The following WRAP73 variants were observed in gnomAD, a reference collection of about 807,000 sequenced individuals.
The protein encoded by WRAP73 is WD repeat containing, antisense to TP73.
A neutral mutation model predicts 59.6 loss-of-function variants in WRAP73; 55 were observed. The ratio of observed to expected loss-of-function variants is 0.92; its 90% CI spans 0.74 to 1.15. The LOEUF (loss-of-function observed/expected upper bound fraction) is 1.15, where lower values mean the gene tolerates loss of function less well. Ranked by LOEUF, WRAP73 falls within the 50% of genes most tolerant of loss-of-function variation. WRAP73 has a pLI of 0.00. For missense variants in WRAP73, 592 were observed against 608.1 expected (o/e 0.97, Z 0.28); for synonymous variants, 265 against 258.2 (o/e 1.03, Z -0.25).
rs1644690591 is a variant in WRAP73 at position 3,646,275 on chromosome 1, T to C, written c.339+391A>G. On this transcript the variant is annotated intron_variant, in intron 3 of 11. Transcript: ENST00000270708. This position sits in a 1 kb window ranked among gnomAD's most constrained non-coding sequence, Gnocchi z 5.1. ...CAAAGAGAAGCCACAAAGTGCTTCC[T>C]TTAAATGACGAGCTGAAAGTTCTTG... Among the ~76,000 whole-genome samples, 2 of 152,238 alleles carry C rather than the reference T, an allele frequency of 1.3e-5. No homozygotes were observed. The highest frequency in any genetic ancestry group is 4.8e-5 in the African/African-American group (2 of 41,464).
intron 5 of WRAP73, chr1:3,636,786 C>G: frequency 3.1e-6 from 2 of 648,132 alleles, no homozygotes; most frequent in East Asian, 2.9e-5. Flanking sequence ...ACTTTTAAAA[C>G]ACCTGGGCAC....
intron 4 of WRAP73, 30 bp from the exon 5 acceptor site, chr1:3,637,128 A>G (rs1311551021): frequency 6.4e-7 from 1 of 1,566,304 alleles, no homozygotes; most frequent in Non-Finnish European, 8.7e-7. Flanking sequence ...CACTGAAATC[A>G]AGCGGCCACA....
At position 3,650,076 on chromosome 1, in the gene WRAP73, C is replaced by T; in HGVS notation, c.-77G>A. ...CTGGGCGCGCAGCAGGCTGCAACAG[C>T]CGACGCCGGCCTCCGAGGCCGGAAG... is the stretch of plus-strand genomic sequence containing the variant. On this transcript the variant is annotated 5_prime_UTR_variant, in exon 1 of 12. Transcript: ENST00000270708. The T allele has an allele frequency of 1.4e-6, 2 of 1,423,256 alleles. No homozygotes were observed. Among genetic ancestry groups the T allele is most frequent in the Non-Finnish European group, 1.9e-6 (2 of 1,067,150 alleles). The allele number at this position is 1,423,256 out of a possible 1,614,324, so 88.2% of individuals were successfully genotyped here.
intron 6 of WRAP73, 118 bp from the exon 7 acceptor site, chr1:3,635,412 C>T (rs774276553): frequency 6.8e-5 from 95 of 1,399,844 alleles, no homozygotes; most frequent in Middle Eastern, 2.3e-4. Context: ...CAGGACTGTC[C>T]GCGTGGCCGT....
chr1:3,636,987 C>G lies in WRAP73; in HGVS notation c.516+8G>C. Reference sequence around the variant, plus strand: ...GACAACTTTATTCCAGTCTGGGGGACGCCTTACCCGCAGGAGCTGCCAATC... The same window carrying G: ...GACAACTTTATTCCAGTCTGGGGGAGGCCTTACCCGCAGGAGCTGCCAATC... On this transcript the variant is annotated splice_region_variant and intron_variant, in intron 5 of 11. Transcript: ENST00000270708. 3 of 1,613,144 alleles carry G rather than the reference C, an allele frequency of 1.9e-6. 1 individual carries two copies. The highest frequency in any genetic ancestry group is 1.7e-6 in the Non-Finnish European group (2 of 1,179,624).
chr1:3,630,954 G>A lies in WRAP73; in HGVS notation c.*21C>T. ...GGAAACACAGAGTAGCCCTGTTTCT[G>A]CACACGTTAGTGCACCGCTGCTACG... is the stretch of plus-strand genomic sequence containing the variant. On this transcript the variant is annotated 3_prime_UTR_variant, in exon 12 of 12. Coordinates refer to ENST00000270708, the MANE Select transcript of WRAP73 (RefSeq NM_017818.4). 2 of 1,606,714 alleles carry A rather than the reference G, an allele frequency of 1.2e-6. No individual in the cohort carries two copies. The highest frequency in any genetic ancestry group is 8.5e-7 in the Non-Finnish European group (1 of 1,175,776).
chr1:3,649,140 G>A (rs756290876), intron 1 of WRAP73, among the ~76,000 whole-genome samples: 9 of 152,132 alleles, frequency 5.9e-5, no homozygotes, highest in Admixed American at 2.0e-4. Context: ...TACATACTAG[G>A]CATCCGGGTT....
At chr1:3,641,488 A>G (rs529280419) in intron 3 of WRAP73, among the ~76,000 whole-genome samples, 73 of 152,340 alleles carry the variant, frequency 4.8e-4, no homozygotes, top group Non-Finnish European at 9.1e-4. Context: ...GCCAGGGAAA[A>G]GGAAGCAGAC....
chr1:3,636,044 G>T lies in WRAP73; in HGVS notation c.517-14C>A, dbSNP rs759941166. On this transcript the variant is annotated splice_polypyrimidine_tract_variant and intron_variant, in intron 5 of 11. Transcript: ENST00000270708. Reference sequence around the variant, plus strand: ...CGTATCAAAATGCTTCCAAAGGAAGGGGGGGAAACATTAAATTTGGAAAAT... The same window carrying T: ...CGTATCAAAATGCTTCCAAAGGAAGTGGGGGAAACATTAAATTTGGAAAAT... 6.3e-6 allele frequency: 10 copies of T among 1,598,734 alleles called. No individual in the cohort carries two copies. The highest frequency in any genetic ancestry group is 3.3e-5 in the South Asian group (3 of 90,460).
intron 3 of WRAP73, among the ~76,000 whole-genome samples, chr1:3,640,596 GC>G: frequency 7.1e-6 from 1 of 141,668 alleles, no homozygotes; most frequent in East Asian, 2.1e-4. Context: ...AGGGTGGAAC[GC>G]CCCAGGCTCT....
Position 3,633,467 on chromosome 1 carries a change from C to A in WRAP73, c.853G>T (p.Gly285Ter), listed in dbSNP as rs570760038. The change falls in exon 9 of 12, where the codon GGA (glycine) becomes TGA (stop). Residue 285 changes from glycine to a stop codon, truncating the protein, a stop_gained. Transcript: ENST00000270708. LOFTEE classifies it high-confidence loss of function. ...YKEAEKSPQLGLGCLSFPPPR... is the reference protein window; with the variant it reads ...YKEAEKSPQL Reference sequence around the variant, plus strand: ...GGCGGGAAGGAGAGGCAGCCCAGTCCCAGCTGTGGGCTCTTCTCGGCCTCC... The same window carrying A: ...GGCGGGAAGGAGAGGCAGCCCAGTCACAGCTGTGGGCTCTTCTCGGCCTCC... 1.2e-6 allele frequency: 2 copies of A among 1,610,674 alleles called. No individual in the cohort carries two copies. Among genetic ancestry groups the A allele is most frequent in the Admixed American group, 3.4e-5 (2 of 59,288 alleles).
At chr1:3,635,916 C>A (rs1644584892) in intron 6 of WRAP73, 28 bp downstream of exon 6, 1 of 1,597,828 alleles carries the variant, frequency 6.3e-7, no homozygotes. Context: ...CTCTCGAAAG[C>A]AAACATGTCA....
At position 3,635,517 on chromosome 1, in the gene WRAP73, C is replaced by T. The variant is rs1000228376; in HGVS notation, c.604-223G>A. On this transcript the variant is annotated intron_variant, in intron 6 of 11. Coordinates refer to ENST00000270708, the MANE Select transcript of WRAP73 (RefSeq NM_017818.4). Reference sequence around the variant, plus strand: ...GGAAATTGGGAGGTCAACCTAATGGCTCGCTGATAAAAGTTCAACTCGGCC... The same window carrying T: ...GGAAATTGGGAGGTCAACCTAATGGTTCGCTGATAAAAGTTCAACTCGGCC... 4 of 617,734 alleles carry T rather than the reference C, an allele frequency of 6.5e-6. No homozygotes were observed. The African/African-American group carries it at 7.4e-5, about 11-fold the overall frequency. The allele number at this position is 617,734 out of a possible 1,614,324, so 38.3% of individuals were successfully genotyped here.
intron 1 of WRAP73, among the ~76,000 whole-genome samples, chr1:3,647,891 G>A (rs529874681): frequency 6.6e-6 from 1 of 152,322 alleles, no homozygotes; most frequent in East Asian, 1.9e-4. Context: ...GTAGCATTGG[G>A]AGAAAGCTCT....
At chr1:3,638,638 G>T in intron 4 of WRAP73, 112 bp downstream of exon 4, 2 of 1,106,216 alleles carry the variant, frequency 1.8e-6, no homozygotes, top group Admixed American at 1.9e-5. Context: ...CAAGGGGGTT[G>T]GCTATGTGTT....
At chr1:3,634,467 C>A in intron 8 of WRAP73, 1 of 174,618 alleles carries the variant, frequency 5.7e-6, no homozygotes. Context: ...GCCTGGAACG[C>A]TCCCTCCCCG....
chr1:3,639,156 T>C lies in WRAP73; in HGVS notation c.340-334A>G, dbSNP rs984770121. ...CCCTGAGTTACTCAGAGAAAAATCT[T>C]GATCTAGAAACCACCACGGGTTCAG... On this transcript the variant is annotated intron_variant, in intron 3 of 11. Transcript: ENST00000270708. The surrounding 1 kb of genome is among the most constrained non-coding windows in gnomAD (Gnocchi z 4.3). 6 of 270,158 alleles carry C rather than the reference T, an allele frequency of 2.2e-5. No individual in the cohort carries two copies. The highest frequency in any genetic ancestry group is 3.5e-5 in the Non-Finnish European group (5 of 142,460). The allele number at this position is 270,158 out of a possible 1,614,324, so 16.7% of individuals were successfully genotyped here. A position where few individuals can be genotyped will look rare whatever the true frequency, so the allele number is the denominator to read the frequency against.
rs1193387069 is a variant in WRAP73, at chr1:3,646,444, A to G, written c.339+222T>C. Among the ~76,000 whole-genome samples, 1 of 152,234 alleles carries G rather than the reference A, an allele frequency of 6.6e-6. No homozygotes were observed. The highest frequency in any genetic ancestry group is 1.5e-5 in the Non-Finnish European group (1 of 68,038). On this transcript the variant is annotated intron_variant, in intron 3 of 11. Coordinates refer to ENST00000270708, the MANE Select transcript of WRAP73 (RefSeq NM_017818.4). This position sits in a 1 kb window ranked among gnomAD's most constrained non-coding sequence, Gnocchi z 5.1. ...TTGTTGCTAATCTCTTACTGTATCT[A>G]ATTTATAAATTAAATGTATCACAGG...
rs1448592291 is a variant in WRAP73, at chr1:3,639,666, T to C, written c.340-844A>G. The C allele has an allele frequency of 2.6e-5, 4 of 151,786 alleles. No homozygotes were observed. The highest frequency in any genetic ancestry group is 2.9e-5 in the Non-Finnish European group (2 of 68,042). 9.4% of individuals were successfully genotyped at this position (151,786 alleles called of 1,614,324 possible). ...ATGAATCTGGTAGTTAACTGAAATA[T>C]GGCCGAGGTGCGGGGACACAAGGTG... is the stretch of plus-strand genomic sequence containing the variant. On this transcript the variant is annotated intron_variant, in intron 3 of 11. Transcript: ENST00000270708. The surrounding 1 kb of genome is among the most constrained non-coding windows in gnomAD (Gnocchi z 4.3).
Sources: allele counts gnomAD v4.1 joint callset (sites outside exome capture counted in the v4.1 genomes callset), GRCh38; gene constraint gnomAD v4.1.1; non-coding constraint Gnocchi (gnomAD v3.1); transcripts MANE v1.5; gene names NCBI Gene and HGNC (gene_info 2026-07-23, HGNC 2026-07-21).